PTPN2: variants seen among roughly 807,000 people sequenced by gnomAD.
PTPN2 encodes tyrosine-protein phosphatase non-receptor type 2.
A neutral mutation model predicts 57.3 loss-of-function variants in PTPN2; 19 were observed. That is an observed-to-expected ratio of 0.33 (90% CI 0.23 to 0.49). The LOEUF (loss-of-function observed/expected upper bound fraction) is 0.49, where lower values mean the gene tolerates loss of function less well. PTPN2 is among the 20% of genes least tolerant of loss of function. The probability of loss-of-function intolerance (pLI) is 0.99; values close to 1 mark genes in which losing one functional copy is unlikely to be tolerated. For missense variants in PTPN2, 358 were observed against 501.1 expected (o/e 0.71, Z 2.73); for synonymous variants, 153 against 164.9 (o/e 0.93, Z 0.55).
Position 12,822,582 on chromosome 18 carries a change from G to A in PTPN2, c.495+3228C>T, listed in dbSNP as rs192195767. Among the ~76,000 whole-genome samples the A allele has an allele frequency of 1.6e-4, 25 of 152,270 alleles. No individual in the cohort carries two copies. The East Asian group carries it at 4.8e-3, about 29-fold the overall frequency. Reference sequence around the variant, plus strand: ...GCTGTTCCATTAGACTGGAGGAGGCGCAGGGCTTGCTTAGACAACAGCTTT... The same window carrying A: ...GCTGTTCCATTAGACTGGAGGAGGCACAGGGCTTGCTTAGACAACAGCTTT... On this transcript the variant is annotated intron_variant, in intron 5 of 8. Transcript: ENST00000309660.
downstream of PTPN2, among the ~76,000 whole-genome samples, chr18:12,789,128 C>T (rs16939859): frequency 0.15 from 22,805 of 152,106 alleles, 1,903 homozygotes; most frequent in African/African-American, 0.2. Flanking sequence ...CAAGGCATGT[C>T]ACCCCTTATA....
At chr18:12,865,719 C>T (rs975590278) in intron 1 of PTPN2, among the ~76,000 whole-genome samples, 7 of 151,554 alleles carry the variant, frequency 4.6e-5, no homozygotes, top group African/African-American at 1.2e-4. Context: ...CCCAGCTACT[C>T]GGAAGGCTGA....
chr18:12,796,218 G>A (rs1342869803), intron 8 of PTPN2, among the ~76,000 whole-genome samples: 1 of 152,122 alleles, frequency 6.6e-6, no homozygotes, highest in Non-Finnish European at 1.5e-5. Flanking sequence ...ACTAAATATA[G>A]TATCAATCTT....
chr18:12,870,402 CACGTATATATATGTAT>C (rs2044191146), intron 1 of PTPN2, among the ~76,000 whole-genome samples: 1 of 46,580 alleles, frequency 2.1e-5, no homozygotes, highest in Non-Finnish European at 3.3e-5. Context: ...TGTATATATA[CACGTATATATATGTAT>C]ATATATACGT....
chr18:12,797,032 T>A (rs1231149771), intron 8 of PTPN2, among the ~76,000 whole-genome samples: 2 of 152,172 alleles, frequency 1.3e-5, no homozygotes, highest in Non-Finnish European at 2.9e-5. Context: ...CTGAACTCCA[T>A]CTGAATATCT....
chr18:12,862,590 T>C (rs1479983065), intron 1 of PTPN2: 1 of 11,574 alleles, frequency 8.6e-5, no homozygotes, highest in African/African-American at 9.3e-5. Context: ...CAGAAACCAC[T>C]GGGTTGGGGC....
intron 2 of PTPN2, among the ~76,000 whole-genome samples, chr18:12,847,544 T>A (rs1359704131): frequency 6.6e-6 from 1 of 152,088 alleles, no homozygotes; most frequent in South Asian, 2.1e-4. Context: ...ACCACTCCAG[T>A]GCATCAATAG....
intron 2 of PTPN2, among the ~76,000 whole-genome samples, chr18:12,845,872 A>C (rs996177281): frequency 6.6e-6 from 1 of 152,188 alleles, no homozygotes; most frequent in Non-Finnish European, 1.5e-5. Context: ...CTACTTACTC[A>C]TAGTATAGCC....
chr18:12,838,675 G>A (rs1370548002), intron 2 of PTPN2, among the ~76,000 whole-genome samples: 2 of 152,126 alleles, frequency 1.3e-5, no homozygotes, highest in Non-Finnish European at 2.9e-5. Flanking sequence ...AAGGAACGGT[G>A]AATTTTCTCA....
intron 1 of PTPN2, chr18:12,862,152 CTT>C (rs965121334): frequency 6.8e-6 from 1 of 147,598 alleles, no homozygotes; most frequent in Non-Finnish European, 1.5e-5. Flanking sequence ...TCCTCTTTCT[CTT>C]TCTTTTTTTT....
chr18:12,814,137 G>A, intron 7 of PTPN2, 66 bp downstream of exon 7: 1 of 1,179,502 alleles, frequency 8.5e-7, no homozygotes, highest in East Asian at 2.4e-5. Context: ...CTCAAGTGGA[G>A]TGCAGTTATT....
At position 12,793,994 on chromosome 18, in the gene PTPN2, A is replaced by G; in HGVS notation, c.*284T>C. On this transcript the variant is annotated 3_prime_UTR_variant, in exon 9 of 9. Coordinates refer to ENST00000309660, the MANE Select transcript of PTPN2 (RefSeq NM_002828.4). ...GGATATCTCAATGTTGGTCAGGTGA[A>G]ATACTGTGTTTGACATGTATGAATA... The G allele has an allele frequency of 1.0e-5, 13 of 1,274,818 alleles. No homozygotes were observed. The highest frequency in any genetic ancestry group is 1.3e-5 in the Non-Finnish European group (13 of 1,009,038). 79.0% of individuals were successfully genotyped at this position (1,274,818 alleles called of 1,614,324 possible).
chr18:12,796,822 A>G (rs372770000), intron 8 of PTPN2, among the ~76,000 whole-genome samples: 3 of 152,190 alleles, frequency 2.0e-5, no homozygotes, highest in African/African-American at 7.2e-5. Flanking sequence ...CACCCCCTCT[A>G]GCCCTTCTAT....
chr18:12,794,576 T>C, intron 8 of PTPN2, 91 bp from the exon 9 acceptor site: 1 of 1,446,030 alleles, frequency 6.9e-7, no homozygotes. Context: ...AATAAAACCA[T>C]CCACATAGTT....
At chr18:12,849,545 G>C (rs1227809861) in intron 2 of PTPN2, among the ~76,000 whole-genome samples, 1 of 146,132 alleles carries the variant, frequency 6.8e-6, no homozygotes, top group Non-Finnish European at 1.5e-5. Flanking sequence ...AGCAACAAGA[G>C]CGAAACCCTG....
At chr18:12,878,920 A>G (rs1281627624) in intron 1 of PTPN2, among the ~76,000 whole-genome samples, 1 of 152,178 alleles carries the variant, frequency 6.6e-6, no homozygotes, top group Admixed American at 6.5e-5. Context: ...GAAACAACCC[A>G]TAACATAGCT....
intron 1 of PTPN2, chr18:12,880,503 C>CCTGAA (rs2044633642): frequency 6.6e-6 from 1 of 152,276 alleles, no homozygotes; most frequent in South Asian, 2.1e-4. Context: ...TACCTTCTCT[C>CCTGAA]CTGAACTCCA....
Position 12,792,856 on chromosome 18 carries a change from G to C in PTPN2, c.*1422C>G. 1.1e-6 allele frequency: 1 copy of C among 908,158 alleles called. No individual in the cohort carries two copies. 56.3% of individuals were successfully genotyped at this position (908,158 alleles called of 1,614,324 possible). On this transcript the variant is annotated 3_prime_UTR_variant, in exon 9 of 9. Transcript: ENST00000309660. Reference sequence around the variant, plus strand: ...TCTGCCCACTTCAGCCTCCCAAAGTGCTGGGATTACAGGCATGAGCCACCG... The same window carrying C: ...TCTGCCCACTTCAGCCTCCCAAAGTCCTGGGATTACAGGCATGAGCCACCG...
downstream of PTPN2, chr18:12,792,069 C>A (rs1400242688): frequency 3.4e-6 from 1 of 297,592 alleles, no homozygotes; most frequent in African/African-American, 2.3e-5. Flanking sequence ...TTAATGCAGA[C>A]AGACATAAAA....
Sources: allele counts gnomAD v4.1 joint callset (sites outside exome capture counted in the v4.1 genomes callset), GRCh38; gene constraint gnomAD v4.1.1; transcripts MANE v1.5; gene names NCBI Gene and HGNC (gene_info 2026-07-23, HGNC 2026-07-21).